MTHFD1L: variants seen among roughly 807,000 people sequenced by gnomAD.
MTHFD1L encodes monofunctional C1-tetrahydrofolate synthase, mitochondrial.
Under a neutral mutation model 119.5 loss-of-function variants are expected in MTHFD1L, and 81 were observed. The ratio of observed to expected loss-of-function variants is 0.68; its 90% CI spans 0.57 to 0.82. MTHFD1L has a LOEUF of 0.82. Among genes scored for constraint, MTHFD1L ranks in the 40% least tolerant of loss-of-function variants. The pLI is 0.00. For missense variants in MTHFD1L, 1,125 were observed against 1,253.4 expected, an observed-to-expected ratio of 0.90 and a Z score of 1.55; for synonymous variants, 430 against 475.2, an observed-to-expected ratio of 0.90 and a Z score of 1.24.
intron 26 of MTHFD1L, among the ~76,000 whole-genome samples, chr6:151,049,414 C>A (rs1329413092): frequency 6.6e-6 from 1 of 151,456 alleles, no homozygotes; most frequent in African/African-American, 2.4e-5. Flanking sequence ...ATGGCGTGAA[C>A]CCGGGAGGCG....
At chr6:150,991,496 C>T (rs1779053805) in intron 20 of MTHFD1L, among the ~76,000 whole-genome samples, 2 of 152,152 alleles carry the variant, frequency 1.3e-5, no homozygotes. Context: ...TGGTGATTTT[C>T]ACTTCACACT....
In MTHFD1L at chr6:150,865,916, AGCAGCGGCG is replaced by A; in HGVS notation, c.97_105del (p.Ser33_Gly35del). 8.4e-7 allele frequency: 1 copy of A among 1,197,308 alleles called. No homozygotes were observed. The highest frequency in any genetic ancestry group is 4.0e-5 in the South Asian group (1 of 24,802). The allele number at this position is 1,197,308 out of a possible 1,614,324, so 74.2% of individuals were successfully genotyped here. A position where few individuals can be genotyped will look rare whatever the true frequency, so the allele number is the denominator to read the frequency against. On this transcript the variant is annotated inframe_deletion, in exon 1 of 28. Coordinates refer to ENST00000367321, the MANE Select transcript of MTHFD1L (RefSeq NM_015440.5). ...CCGCCTCCGTGTGCCCTGTCGCGCT[AGCAGCGGCG>A]GCGGCGGAGGCGGCGGCGGTGGCCG...
chr6:151,027,733 C>CA (rs1784785709), intron 24 of MTHFD1L, among the ~76,000 whole-genome samples: 1 of 151,398 alleles, frequency 6.6e-6, no homozygotes. Flanking sequence ...AGATTGCATG[C>CA]AAGGGGAAGG....
At chr6:150,933,872 C>T (rs1791593160) in intron 11 of MTHFD1L, among the ~76,000 whole-genome samples, 1 of 152,162 alleles carries the variant, frequency 6.6e-6, no homozygotes, top group East Asian at 1.9e-4. Context: ...TTACCTTGGC[C>T]TCCCAAAGTG....
chr6:150,885,591 G>T (rs1339578989), intron 5 of MTHFD1L, 43 bp from the exon 6 acceptor site: 2 of 1,474,446 alleles, frequency 1.4e-6, no homozygotes, highest in Admixed American at 1.7e-5. Context: ...TGATTTTTTT[G>T]GCTGGGCTTT....
Position 150,992,685 on chromosome 6 carries a change from T to A in MTHFD1L, c.2126-17134T>A, listed in dbSNP as rs113922789. Among the ~76,000 whole-genome samples the A allele has an allele frequency of 9.4e-3, 1,426 of 152,344 alleles. 29 individuals carry two copies. Among genetic ancestry groups the A allele is most frequent in the African/African-American group, 0.033 (1,353 of 41,576 alleles). On this transcript the variant is annotated intron_variant, in intron 20 of 27. Coordinates refer to ENST00000367321, the MANE Select transcript of MTHFD1L (RefSeq NM_015440.5). Reference sequence around the variant, plus strand: ...AACTAAATCTGGATGTCAATGGCCATGTTTAGTGGGCCAGGGGCCTTACAT... The same window carrying A: ...AACTAAATCTGGATGTCAATGGCCAAGTTTAGTGGGCCAGGGGCCTTACAT...
intron 19 of MTHFD1L, among the ~76,000 whole-genome samples, chr6:150,967,420 G>A (rs1014820911): frequency 5.3e-5 from 6 of 113,960 alleles, no homozygotes; most frequent in Admixed American, 7.8e-5. Context: ...TTTTTGCCCC[G>A]TTCTCCTCCA....
At chr6:150,956,140 T>C in intron 17 of MTHFD1L, 69 bp downstream of exon 17, 1 of 1,468,188 alleles carries the variant, frequency 6.8e-7, no homozygotes, top group Middle Eastern at 1.9e-4. Context: ...GGGAGCTCAC[T>C]CTTTGCCTTT....
intron 26 of MTHFD1L, among the ~76,000 whole-genome samples, chr6:151,082,145 A>G (rs951335342): frequency 5.3e-5 from 8 of 152,204 alleles, no homozygotes; most frequent in Non-Finnish European, 1.2e-4. Flanking sequence ...GGAGATTTTC[A>G]TGGTGTGCTA....
At position 150,926,922 on chromosome 6, in the gene MTHFD1L, G is replaced by T. The variant is rs1357898090; in HGVS notation, c.1256+627G>T. Reference sequence around the variant, plus strand: ...TCACTAGCTGAAAAGATGATAGAAAGCAAGGGATTTCAAATATTTATTCAG... The same window carrying T: ...TCACTAGCTGAAAAGATGATAGAAATCAAGGGATTTCAAATATTTATTCAG... On this transcript the variant is annotated intron_variant, in intron 11 of 27. Transcript: ENST00000367321. The surrounding 1 kb of genome is among the most constrained non-coding windows in gnomAD (Gnocchi z 4.3). Among the ~76,000 whole-genome samples, 2 of 152,136 alleles carry T rather than the reference G, an allele frequency of 1.3e-5. No homozygotes were observed. Among genetic ancestry groups the T allele is most frequent in the Non-Finnish European group, 2.9e-5 (2 of 68,022 alleles).
intron 20 of MTHFD1L, among the ~76,000 whole-genome samples, chr6:150,995,834 TG>T (rs112852395): frequency 0.11 from 16,921 of 151,816 alleles, 1,522 homozygotes; most frequent in East Asian, 0.54. Flanking sequence ...GCTAATTTTT[TG>T]TATTTTTAGT....
rs139164241 is a variant in MTHFD1L at position 150,943,705 on chromosome 6, T to A, written c.1441-781T>A. ...AGCTTCTATAAACTATACAAAAGAT[T>A]ATTATAGAAAAAGTTTTGTGAAAAA... On this transcript the variant is annotated intron_variant, in intron 13 of 27. Coordinates refer to ENST00000367321, the MANE Select transcript of MTHFD1L (RefSeq NM_015440.5). Among the ~76,000 whole-genome samples, 87 of 152,338 alleles carry A rather than the reference T, an allele frequency of 5.7e-4. No individual in the cohort carries two copies. The East Asian group carries it at 0.015, about 27-fold the overall frequency.
At position 151,095,698 on chromosome 6, in the gene MTHFD1L, A is replaced by G. The variant is rs983874444; in HGVS notation, c.*31+3111A>G. On this transcript the variant is annotated intron_variant, in intron 27 of 27. Coordinates refer to ENST00000367321, the MANE Select transcript of MTHFD1L (RefSeq NM_015440.5). ...TCGGGCATTGTGCTAAGCACTTTGC[A>G]TGGGTGGTCACAGCACCTCTGGAGC... is the stretch of plus-strand genomic sequence containing the variant. Among the ~76,000 whole-genome samples the G allele has an allele frequency of 3.9e-5, 6 of 152,240 alleles. No individual in the cohort carries two copies. In the East Asian group the frequency reaches 5.8e-4, roughly 15 times the overall value.
chr6:151,017,893 G>A (rs112037518), intron 24 of MTHFD1L, among the ~76,000 whole-genome samples: 9,039 of 145,670 alleles, frequency 0.062, 951 homozygotes, highest in African/African-American at 0.22. Flanking sequence ...GGAGTGCAGT[G>A]GCGCAATCTC....
chr6:151,084,980 A>ATAT (rs1210605426), intron 26 of MTHFD1L, among the ~76,000 whole-genome samples: 49 of 127,500 alleles, frequency 3.8e-4, no homozygotes, highest in African/African-American at 1.4e-3. Flanking sequence ...GAAAAAAAAA[A>ATAT]AAAAATATAT....
chr6:150,906,456 G>A (rs542792489), intron 8 of MTHFD1L, among the ~76,000 whole-genome samples: 6 of 152,328 alleles, frequency 3.9e-5, no homozygotes, highest in East Asian at 3.9e-4. Context: ...TTTCCAGTTC[G>A]TAGAAGGACT....
rs1275259154 is a variant in MTHFD1L at position 151,012,189 on chromosome 6, T to TGG, written c.2266-1589_2266-1588insGG. On this transcript the variant is annotated intron_variant, in intron 21 of 27. Transcript: ENST00000367321. The stretch of plus-strand genomic sequence containing the variant: ...TTCTCAATTCCTTGAGTTTAGGGAC[T>TGG]GTGTCTTATTAATTGGTATGGTCCA... 2.0e-5 allele frequency among the ~76,000 whole-genome samples: 3 copies of TGG among 152,168 alleles called. No individual in the cohort carries two copies. The East Asian group carries it at 5.8e-4, about 29-fold the overall frequency.
chr6:150,962,914 C>CTTTTTTTTTTTTTT (rs4035893), intron 18 of MTHFD1L, among the ~76,000 whole-genome samples: 1 of 114,148 alleles, frequency 8.8e-6, no homozygotes, highest in Non-Finnish European at 1.8e-5. Flanking sequence ...CTTTTCTTTT[C>CTTTTTTTTTTTTTT]TTTTTTTTTT....
chr6:151,033,212 C>T (rs1047505096), intron 24 of MTHFD1L, among the ~76,000 whole-genome samples: 6 of 151,970 alleles, frequency 3.9e-5, no homozygotes, highest in African/African-American at 1.5e-4. Context: ...CTCTGCCTCC[C>T]AGGGTCAAGC....
Sources: gnomAD v4.1 joint callset for allele counts (sites outside exome capture counted in the v4.1 genomes callset) on GRCh38, gnomAD v4.1.1 for gene constraint, Gnocchi (gnomAD v3.1) non-coding constraint, MANE v1.5 for transcripts, NCBI Gene and HGNC (gene_info 2026-07-23, HGNC 2026-07-21) for gene names.